The following PARP1 variants were observed in gnomAD, a reference collection of about 807,000 sequenced individuals.
PARP1 encodes poly(ADP-ribose) polymerase 1, also known as poly [ADP-ribose] polymerase 1.
In PARP1, 44 loss-of-function variants were observed where a neutral mutation model predicts 118.7. That is an observed-to-expected ratio of 0.37 (90% CI 0.29 to 0.48). The LOEUF (loss-of-function observed/expected upper bound fraction) is 0.48, where lower values mean the gene tolerates loss of function less well. Among genes scored for constraint, PARP1 ranks in the 20% least tolerant of loss-of-function variants. The pLI, the probability that PARP1 is intolerant of heterozygous loss-of-function variation, is 0.99. For synonymous variants in PARP1, 492 were observed against 483.2 expected, an observed-to-expected ratio of 1.02 and a Z score of -0.24; for missense variants, 1,100 against 1,272.4, an observed-to-expected ratio of 0.86 and a Z score of 2.06.
intron 8 of PARP1, 129 bp downstream of exon 8, chr1:226,382,907 T>TC: frequency 9.6e-7 from 1 of 1,040,410 alleles, no homozygotes; most frequent in South Asian, 1.3e-5. Context: ...GGGCAAGGCT[T>TC]CCCCATGGTG....
intron 11 of PARP1, 83 bp downstream of exon 11, chr1:226,379,490 G>T: frequency 8.3e-7 from 1 of 1,202,906 alleles, no homozygotes; most frequent in Non-Finnish European, 1.2e-6. Flanking sequence ...CAGGTATGCT[G>T]CGGGCATTTG....
intron 2 of PARP1, among the ~76,000 whole-genome samples, chr1:226,395,123 TA>T (rs77368740): frequency 2.1e-3 from 298 of 142,648 alleles, no homozygotes; most frequent in Admixed American, 3.3e-3. Context: ...GGCTATTATT[TA>T]AAAAAAAAAA....
Position 226,393,690 on chromosome 1 carries a change from TA to T in PARP1, c.287-1377del, listed in dbSNP as rs1664860273. On this transcript the variant is annotated intron_variant, in intron 2 of 22. Transcript: ENST00000366794. ...TGGGGATAGAAATCAGAACAGTGGT[TA>T]CCTGAGTCAGGGAAAAAAGACTAGA... Among the ~76,000 whole-genome samples the T allele has an allele frequency of 2.0e-5, 3 of 152,152 alleles. No homozygotes were observed. The South Asian group carries it at 6.3e-4, about 32-fold the overall frequency.
intron 2 of PARP1, chr1:226,393,048 A>T: frequency 7.3e-7 from 1 of 1,370,668 alleles, no homozygotes; most frequent in South Asian, 1.5e-5. Context: ...AAGTAAAGCC[A>T]TCTCTACTTG....
chr1:226,386,419 G>A lies in PARP1; in HGVS notation c.741C>T (p.Asn247=), dbSNP rs1664719319. The part of the protein sequence containing the change: ...ALKAQNDLIW[N]IKDELKKVCS... ...ACACTTTCTTTAGCTCGTCCTTGAT[G>A]TTCCAGATCAGGTCGTTCTGAGCCT... is the stretch of plus-strand genomic sequence containing the variant. The change falls in exon 6 of 23, where the codon AAC becomes AAT. Residue 247 remains asparagine, a synonymous_variant. Coordinates refer to ENST00000366794, the MANE Select transcript of PARP1 (RefSeq NM_001618.4). The A allele has an allele frequency of 6.2e-7, 1 of 1,613,272 alleles. No individual in the cohort carries two copies. Among genetic ancestry groups the A allele is most frequent in the African/African-American group, 1.3e-5 (1 of 74,926 alleles).
In PARP1 at chr1:226,374,333, G is replaced by T; in HGVS notation, c.1963C>A (p.Leu655Met). The change falls in exon 14 of 23, where the codon CTG (leucine) becomes ATG (methionine). Residue 655 changes from leucine (L) to methionine (M), a missense_variant. Coordinates refer to ENST00000366794, the MANE Select transcript of PARP1 (RefSeq NM_001618.4). ...YGQDEEAVKKLTVNPGTKSKL... is the reference protein window; with the variant it reads ...YGQDEEAVKKMTVNPGTKSKL... ...GACTTGGTGCCAGGATTTACTGTCA[G>T]CTTCTTCACTGCCTCTTCATCCTTC... 1 of 1,614,194 alleles carries T rather than the reference G, an allele frequency of 6.2e-7. No homozygotes were observed.
chr1:226,379,827 T>G, intron 10 of PARP1, 95 bp downstream of exon 10: 1 of 1,585,756 alleles, frequency 6.3e-7, no homozygotes, highest in Non-Finnish European at 8.6e-7. Flanking sequence ...CAACAGGCCA[T>G]GTCAGGGACA....
chr1:226,368,454 A>T (rs3219121), intron 15 of PARP1, 133 bp from the exon 16 acceptor site: 17 of 1,106,158 alleles, frequency 1.5e-5, no homozygotes, highest in Non-Finnish European at 2.3e-5. Context: ...GCCAGGACAC[A>T]TGGGAAACGA....
At chr1:226,388,970 C>T (rs922362503) in intron 4 of PARP1, among the ~76,000 whole-genome samples, 1 of 152,076 alleles carries the variant, frequency 6.6e-6, no homozygotes, top group Non-Finnish European at 1.5e-5. Context: ...AGACACCATC[C>T]AATTCAGAAC....
At position 226,365,984 on chromosome 1, in the gene PARP1, T is replaced by C. The variant is rs138839443; in HGVS notation, c.2475A>G (p.Thr825=). 2.9e-5 allele frequency: 47 copies of C among 1,612,692 alleles called. No homozygotes were observed. The highest frequency in any genetic ancestry group is 3.8e-5 in the Non-Finnish European group (45 of 1,178,664). The change falls in exon 18 of 23, where the codon ACA becomes ACG. Residue 825 remains threonine (T), a synonymous_variant. Coordinates refer to ENST00000366794, the MANE Select transcript of PARP1 (RefSeq NM_001618.4). ...TGACTTCCAAGTCATACGCATTGTG[T>C]GTGGTTGCATGAGTGTTCTTAACAT... The part of the protein sequence containing the change: ...RKYVKNTHAT[T]HNAYDLEVID...
At chr1:226,400,636 G>A (rs1665017166) in intron 2 of PARP1, among the ~76,000 whole-genome samples, 1 of 152,258 alleles carries the variant, frequency 6.6e-6, no homozygotes, top group South Asian at 2.1e-4. Flanking sequence ...ACACAGCACT[G>A]TCACCAACAG....
intron 2 of PARP1, 110 bp from the exon 3 acceptor site, chr1:226,392,424 G>C (rs1664838221): frequency 1.3e-6 from 1 of 792,586 alleles, no homozygotes; most frequent in Non-Finnish European, 2.3e-6. Flanking sequence ...GACACCTTAT[G>C]CCTTGGGAGA....
chr1:226,403,818 T>C (rs986478871), intron 1 of PARP1, among the ~76,000 whole-genome samples: 1 of 152,220 alleles, frequency 6.6e-6, no homozygotes, highest in Admixed American at 6.5e-5. Flanking sequence ...TAAAGCTAAA[T>C]GTCACACAGA....
intron 6 of PARP1, 144 bp downstream of exon 6, chr1:226,386,182 C>A: frequency 1.4e-6 from 1 of 698,192 alleles, no homozygotes; most frequent in Non-Finnish European, 2.6e-6. Context: ...GATGACCGTG[C>A]AACACAACCA....
At chr1:226,392,381 T>A in intron 2 of PARP1, 67 bp from the exon 3 acceptor site, 3 of 1,098,472 alleles carry the variant, frequency 2.7e-6, no homozygotes, top group Non-Finnish European at 4.2e-6. Flanking sequence ...AGGAGCCCCG[T>A]CCTCTTCTAC....
chr1:226,400,533 G>A (rs953007160), intron 2 of PARP1, among the ~76,000 whole-genome samples: 4 of 152,332 alleles, frequency 2.6e-5, no homozygotes, highest in Admixed American at 2.6e-4. Flanking sequence ...AGTGGCTGCT[G>A]GTGCCACAGC....
Position 226,385,595 on chromosome 1 carries a change from T to A in PARP1, c.920A>T (p.Asp307Val). 1 of 1,614,134 alleles carries A rather than the reference T, an allele frequency of 6.2e-7. No individual in the cohort carries two copies. Among genetic ancestry groups the A allele is most frequent in the South Asian group, 1.1e-5 (1 of 91,082 alleles). ...ECSGQLVFKSDAYYCTGDVTA... is the reference protein window; with the variant it reads ...ECSGQLVFKSVAYYCTGDVTA... ...GACGTCCCCAGTGCAGTAATAGGCA[T>A]CGCTCTTGAAGACCAGCTGACCCGA... The change falls in exon 7 of 23, where the codon GAT becomes GTT. Residue 307 changes from aspartate to valine, a missense_variant. Physicochemically the swap from Asp to Val is radical, Grantham distance 152. This residue lies in a region of PARP1 where 948 missense variants were observed against 1,031.8 expected (regional missense o/e 0.92). Transcript: ENST00000366794.
At chr1:226,392,405 T>G in intron 2 of PARP1, 91 bp from the exon 3 acceptor site, 69 of 837,066 alleles carry the variant, frequency 8.2e-5, no homozygotes, top group Non-Finnish European at 1.1e-4. Flanking sequence ...CCCAGGATCC[T>G]TCCACTAGGA....
intron 3 of PARP1, 149 bp downstream of exon 3, chr1:226,392,049 TG>T: frequency 1.4e-6 from 1 of 703,214 alleles, no homozygotes; most frequent in South Asian, 1.5e-5. Flanking sequence ...CTGACGTATC[TG>T]GTCAATACTA....
Sources: allele counts gnomAD v4.1 joint callset (sites outside exome capture counted in the v4.1 genomes callset), GRCh38; gene constraint gnomAD v4.1.1; regional missense constraint gnomAD v4.1.1; transcripts MANE v1.5; gene names NCBI Gene and HGNC (gene_info 2026-07-23, HGNC 2026-07-21).